The following ATRNL1 variants were observed in gnomAD, a reference collection of about 807,000 sequenced individuals.
The protein encoded by ATRNL1 is attractin like 1.
In ATRNL1, 95 loss-of-function variants were observed where a neutral mutation model predicts 182.7. The observed-to-expected ratio is 0.52, with a 90% CI of 0.44 to 0.62. The LOEUF (loss-of-function observed/expected upper bound fraction) is 0.62, where lower values mean the gene tolerates loss of function less well. ATRNL1 is among the 20% of genes least tolerant of loss of function. The pLI is 0.00. For missense variants in ATRNL1, 1,471 were observed against 1,679.5 expected, an observed-to-expected ratio of 0.88 and a Z score of 2.17; for synonymous variants, 576 against 568.3, an observed-to-expected ratio of 1.01 and a Z score of -0.19.
At chr10:115,354,187 G>A (rs782751966) in intron 19 of ATRNL1, among the ~76,000 whole-genome samples, 4 of 132,638 alleles carry the variant, frequency 3.0e-5, no homozygotes, top group Non-Finnish European at 6.2e-5. Context: ...TTTATACGTG[G>A]CCCATGACAA....
intron 25 of ATRNL1, among the ~76,000 whole-genome samples, chr10:115,532,965 C>T (rs1458704363): frequency 6.6e-6 from 1 of 150,666 alleles, no homozygotes; most frequent in Admixed American, 6.6e-5. Context: ...GGATGAAGCC[C>T]ACTTGATCAT....
At chr10:115,889,793 T>A (rs767797630) in intron 28 of ATRNL1, among the ~76,000 whole-genome samples, 20 of 152,180 alleles carry the variant, frequency 1.3e-4, no homozygotes, top group Non-Finnish European at 2.4e-4. Flanking sequence ...ATATAAGTAA[T>A]GTGATTAATC....
intron 25 of ATRNL1, among the ~76,000 whole-genome samples, chr10:115,533,944 T>G (rs2133757651): frequency 6.8e-6 from 1 of 147,776 alleles, no homozygotes; most frequent in East Asian, 2.0e-4. Flanking sequence ...TGAGTTCTAG[T>G]TTGATTGCAC....
intron 15 of ATRNL1, among the ~76,000 whole-genome samples, chr10:115,286,894 A>G (rs1481354348): frequency 6.6e-6 from 1 of 151,996 alleles, no homozygotes; most frequent in African/African-American, 2.4e-5. Flanking sequence ...CAGCTATTCA[A>G]TAACATTTAC....
chr10:115,808,583 C>T (rs12778258), intron 27 of ATRNL1, among the ~76,000 whole-genome samples: 80,992 of 151,482 alleles, frequency 0.53, 22,077 homozygotes, highest in East Asian at 0.77. Context: ...GGTATATGTG[C>T]AACTTTATGA....
At chr10:115,126,538 T>C (rs1419814484) in intron 3 of ATRNL1, among the ~76,000 whole-genome samples, 5 of 152,224 alleles carry the variant, frequency 3.3e-5, no homozygotes, top group Non-Finnish European at 7.3e-5. Context: ...TTTAAAATCA[T>C]TTGTTGCTTC....
At chr10:115,378,433 G>A (rs1378702203) in intron 19 of ATRNL1, among the ~76,000 whole-genome samples, 1 of 152,156 alleles carries the variant, frequency 6.6e-6, no homozygotes, top group Admixed American at 6.5e-5. Flanking sequence ...GACTCAGATG[G>A]GCTTGTTTCC....
intron 18 of ATRNL1, among the ~76,000 whole-genome samples, chr10:115,332,904 A>G (rs1487575408): frequency 6.6e-6 from 1 of 152,142 alleles, no homozygotes; most frequent in Non-Finnish European, 1.5e-5. Context: ...TAGTTGCTTA[A>G]CCCAGATTTC....
chr10:115,295,009 G>C (rs936436778), intron 15 of ATRNL1, among the ~76,000 whole-genome samples: 16 of 152,286 alleles, frequency 1.1e-4, no homozygotes, highest in Non-Finnish European at 5.9e-5. Context: ...TGCTGGGGTT[G>C]AGGTCATAGG....
At chr10:115,151,703 G>A (rs1447694022) in intron 5 of ATRNL1, among the ~76,000 whole-genome samples, 1 of 152,094 alleles carries the variant, frequency 6.6e-6, no homozygotes, top group African/African-American at 2.4e-5. Flanking sequence ...CTTTTGCTGT[G>A]CAGAAGCTGT....
intron 8 of ATRNL1, among the ~76,000 whole-genome samples, chr10:115,204,212 T>G (rs1276674737): frequency 6.6e-6 from 1 of 152,032 alleles, no homozygotes; most frequent in African/African-American, 2.4e-5. Flanking sequence ...ACTTTAGAGT[T>G]TTTTACATAT....
intron 8 of ATRNL1, among the ~76,000 whole-genome samples, chr10:115,198,674 A>T: frequency 6.6e-6 from 1 of 151,800 alleles, no homozygotes; most frequent in East Asian, 1.9e-4. Flanking sequence ...TTTTTAGTTG[A>T]TTTTTATATA....
intron 27 of ATRNL1, among the ~76,000 whole-genome samples, chr10:115,737,075 A>C (rs1282354452): frequency 1.3e-5 from 2 of 151,930 alleles, no homozygotes; most frequent in Non-Finnish European, 2.9e-5. Flanking sequence ...GAGCAGTTTT[A>C]TCTGGTTGCC....
intron 18 of ATRNL1, among the ~76,000 whole-genome samples, chr10:115,328,098 AT>A (rs1225683620): frequency 1.3e-5 from 2 of 150,284 alleles, no homozygotes; most frequent in African/African-American, 2.5e-5. Flanking sequence ...ATAATAAAAA[AT>A]AATTTAAAAA....
intron 28 of ATRNL1, among the ~76,000 whole-genome samples, chr10:115,918,803 G>C (rs536545998): frequency 1.1e-4 from 16 of 152,266 alleles, no homozygotes; most frequent in South Asian, 8.3e-4. Context: ...GGTGAAGCTG[G>C]GTCTTGATCT....
intron 27 of ATRNL1, among the ~76,000 whole-genome samples, chr10:115,783,301 C>A (rs917615987): frequency 1.3e-5 from 2 of 151,828 alleles, no homozygotes; most frequent in Admixed American, 6.6e-5. Context: ...CCAAAAAATG[C>A]TTTTAATGTT....
At chr10:115,216,295 A>G (rs964193337) in intron 9 of ATRNL1, among the ~76,000 whole-genome samples, 31 of 152,258 alleles carry the variant, frequency 2.0e-4, no homozygotes, top group Middle Eastern at 3.4e-3. Context: ...TGTATCTGAG[A>G]GTATTTATAT....
chr10:115,409,472 A>T (rs1313870053), intron 20 of ATRNL1, among the ~76,000 whole-genome samples: 1 of 152,012 alleles, frequency 6.6e-6, no homozygotes, highest in Non-Finnish European at 1.5e-5. Flanking sequence ...GTTTTGGGAG[A>T]TTCTTTAGGA....
At chr10:115,490,069 C>T (rs906023830) in intron 24 of ATRNL1, among the ~76,000 whole-genome samples, 2 of 152,158 alleles carry the variant, frequency 1.3e-5, no homozygotes, top group East Asian at 1.9e-4. Flanking sequence ...TCTTCTGGCT[C>T]GTAGGGTGTC....
Sources: allele counts gnomAD v4.1 joint callset (sites outside exome capture counted in the v4.1 genomes callset), GRCh38; gene constraint gnomAD v4.1.1; transcripts MANE v1.5; gene names NCBI Gene and HGNC (gene_info 2026-07-23, HGNC 2026-07-21).